The following FLNB variants were observed in gnomAD, a reference collection of about 807,000 sequenced individuals.
The protein encoded by FLNB is filamin-B.
A neutral mutation model predicts 250.6 loss-of-function variants in FLNB; 111 were observed. That is an observed-to-expected ratio of 0.44 (90% CI 0.38 to 0.52). The LOEUF (loss-of-function observed/expected upper bound fraction) is 0.52, where lower values mean the gene tolerates loss of function less well. Among genes scored for constraint, FLNB ranks in the 20% least tolerant of loss-of-function variants. FLNB has a pLI of 0.00. For missense variants in FLNB, 2,869 were observed against 3,447.8 expected, an observed-to-expected ratio of 0.83 and a Z score of 4.20; for synonymous variants, 1,302 against 1,372.1, an observed-to-expected ratio of 0.95 and a Z score of 1.13.
At chr3:58,163,525 A>C in intron 43 of FLNB, 195 bp downstream of exon 43, 3 of 604,828 alleles carry the variant, frequency 5.0e-6, no homozygotes, top group Non-Finnish European at 8.8e-6. Context: ...ATCCAGAGTG[A>C]GAGCTCGATG....
At position 58,169,813 on chromosome 3, in the gene FLNB, CAA is replaced by C; in HGVS notation, c.7621+21_7621+22del. 5 of 1,238,784 alleles carry C rather than the reference CAA, an allele frequency of 4.0e-6. No homozygotes were observed. The highest frequency in any genetic ancestry group is 5.8e-6 in the Non-Finnish European group (5 of 854,842). 76.7% of individuals were successfully genotyped at this position (1,238,784 alleles called of 1,614,324 possible). ...AAGCTGGTAGGTGTCTGGGCCTTTT[CAA>C]GGGTGGGGTGGGGCAGGGGCAGGCT... On this transcript the variant is annotated intron_variant, in intron 45 of 45. Transcript: ENST00000295956. The surrounding 1 kb of genome is among the most constrained non-coding windows in gnomAD (Gnocchi z 4.8).
intron 19 of FLNB, among the ~76,000 whole-genome samples, chr3:58,120,263 C>G (rs1168818650): frequency 6.6e-6 from 1 of 152,202 alleles, no homozygotes; most frequent in Non-Finnish European, 1.5e-5. Context: ...ACTGCCCAAC[C>G]CTGTCATGTG....
At chr3:58,162,756 C>T (rs1386308724) in intron 42 of FLNB, 1 of 286,420 alleles carries the variant, frequency 3.5e-6, no homozygotes, top group Non-Finnish European at 6.8e-6. Context: ...TTTCAGAGTG[C>T]TGTGTCTTCA....
rs762010386 is a variant in FLNB, at chr3:58,148,839, C to T, written c.6078C>T (p.Asp2026=). ...RTFEMSDFIV[D]TRDAGYGGIS... is the part of the protein sequence containing the mutation. Reference sequence around the variant, plus strand: ...TCGAGATGTCTGACTTCATCGTGGACACAAGGGATGCAGGTCTGTGTGGTC... The same window carrying T: ...TCGAGATGTCTGACTTCATCGTGGATACAAGGGATGCAGGTCTGTGTGGTC... Residue 2026 remains aspartate, a synonymous_variant, in exon 36 of 46, where the codon GAC becomes GAT. Transcript: ENST00000295956. 2.9e-5 allele frequency: 46 copies of T among 1,612,648 alleles called. No individual in the cohort carries two copies. Among genetic ancestry groups the T allele is most frequent in the Admixed American group, 1.7e-4 (10 of 59,998 alleles).
At chr3:58,112,080 T>A in intron 17 of FLNB, 69 bp from the exon 18 acceptor site, 1 of 1,481,092 alleles carries the variant, frequency 6.8e-7, no homozygotes, top group Non-Finnish European at 9.4e-7. Context: ...GTTGAACCTG[T>A]CTGACGGGTT....
At chr3:58,055,038 G>A (rs767925016) in intron 1 of FLNB, among the ~76,000 whole-genome samples, 29 of 152,098 alleles carry the variant, frequency 1.9e-4, no homozygotes, top group Admixed American at 3.3e-4. Flanking sequence ...AGGTTGAGGT[G>A]GGCAGATCCC....
chr3:58,138,183 C>G, intron 28 of FLNB, 99 bp from the exon 29 acceptor site: 1 of 1,525,132 alleles, frequency 6.6e-7, no homozygotes, highest in Non-Finnish European at 9.1e-7. Flanking sequence ...GGAGGCCTAA[C>G]ATTTACAGGC....
rs545550166 is a variant in FLNB at position 58,155,952 on chromosome 3, C to T, written c.6773-8C>T. 1.9e-6 allele frequency: 3 copies of T among 1,592,572 alleles called. No individual in the cohort carries two copies. The highest frequency in any genetic ancestry group is 2.2e-5 in the East Asian group (1 of 44,776). ...CTCTGAAATGATGGGACTTTCCTGT[C>T]CTCATAGGTAACTACGAGGTGTCCA... On this transcript the variant is annotated splice_polypyrimidine_tract_variant and splice_region_variant and intron_variant, in intron 40 of 45. Transcript: ENST00000295956.
intron 34 of FLNB, 96 bp from the exon 35 acceptor site, chr3:58,148,110 T>A: frequency 2.4e-6 from 3 of 1,257,944 alleles, no homozygotes; most frequent in Non-Finnish European, 3.5e-6. Flanking sequence ...TAATTAGTTC[T>A]TGCGTGTTCA....
chr3:58,130,986 G>A, intron 25 of FLNB, 78 bp downstream of exon 25: 1 of 1,400,004 alleles, frequency 7.1e-7, no homozygotes, highest in Admixed American at 2.2e-5. Flanking sequence ...CAGATGCTTT[G>A]CTTTTGAGTT....
At chr3:58,160,772 G>C (rs1028730334) in intron 42 of FLNB, among the ~76,000 whole-genome samples, 1 of 151,718 alleles carries the variant, frequency 6.6e-6, no homozygotes, top group African/African-American at 2.4e-5. Context: ...GTTGAGCCCA[G>C]GAGTTTGGGA....
rs148601414 is a variant in FLNB, at chr3:58,032,703, C to T, written c.292+23847C>T. ...GTCCATTTTGTGGTTTGGTGGTCCC[C>T]ATCTAGTGGGATGTGGTCTGGTATC... is the stretch of plus-strand genomic sequence containing the variant. On this transcript the variant is annotated intron_variant, in intron 1 of 45. Transcript: ENST00000295956. 2.0e-5 allele frequency among the ~76,000 whole-genome samples: 3 copies of T among 152,294 alleles called. No individual in the cohort carries two copies. The East Asian group carries it at 5.8e-4, about 29-fold the overall frequency.
At chr3:58,035,132 CTTTG>C (rs1049165481) in intron 1 of FLNB, among the ~76,000 whole-genome samples, 2 of 152,230 alleles carry the variant, frequency 1.3e-5, no homozygotes, top group African/African-American at 4.8e-5. Flanking sequence ...TAGAAAGCCC[CTTTG>C]TTTGATGAAA....
At chr3:58,126,250 G>A (rs972531186) in intron 23 of FLNB, among the ~76,000 whole-genome samples, 2 of 152,082 alleles carry the variant, frequency 1.3e-5, no homozygotes, top group East Asian at 1.9e-4. Flanking sequence ...GGTAGTACAC[G>A]CCTGTAATCC....
At chr3:58,146,597 C>T in intron 33 of FLNB, 2 of 558,740 alleles carry the variant, frequency 3.6e-6, no homozygotes, top group Non-Finnish European at 6.5e-6. Context: ...TCCAGGGTTA[C>T]TTGCAGTGAA....
chr3:58,109,222 T>C lies in FLNB; in HGVS notation c.2099T>C (p.Met700Thr). The C allele has an allele frequency of 6.2e-7, 1 of 1,614,252 alleles. No homozygotes were observed. Among genetic ancestry groups the C allele is most frequent in the Non-Finnish European group, 8.5e-7 (1 of 1,180,054 alleles). Residue 700 changes from methionine to threonine, a missense_variant, in exon 14 of 46, where the codon ATG becomes ACG. Coordinates refer to ENST00000295956, the MANE Select transcript of FLNB (RefSeq NM_001457.4). The part of the protein sequence containing the change: ...QRIDIQMKNR[M>T]DGTYACSYTP... Reference sequence around the variant, plus strand: ...ATTGACATCCAGATGAAGAACCGGATGGACGGCACATATGCATGCTCATAC... The same window carrying C: ...ATTGACATCCAGATGAAGAACCGGACGGACGGCACATATGCATGCTCATAC...
rs191029393 is a variant in FLNB at position 58,034,471 on chromosome 3, A to G, written c.292+25615A>G. 2.6e-5 allele frequency among the ~76,000 whole-genome samples: 4 copies of G among 151,444 alleles called. 1 individual carries two copies. Among genetic ancestry groups the G allele is most frequent in the Admixed American group, 2.6e-4 (4 of 15,166 alleles). On this transcript the variant is annotated intron_variant, in intron 1 of 45. Transcript: ENST00000295956. ...GTGCAGTGGTAAGCGAATCCCTGCT[A>G]CAGGCCAGAGACTGTTCTCAGTTGG...
chr3:58,098,976 G>A, intron 8 of FLNB, 68 bp downstream of exon 8: 1 of 1,421,072 alleles, frequency 7.0e-7, no homozygotes, highest in Non-Finnish European at 9.9e-7. Flanking sequence ...GGGCAGGGAG[G>A]CCAGGAAAAC....
intron 1 of FLNB, among the ~76,000 whole-genome samples, chr3:58,046,554 A>G (rs1170544111): frequency 6.6e-6 from 1 of 151,322 alleles, no homozygotes; most frequent in Non-Finnish European, 1.5e-5. Context: ...GGTTCAAGCG[A>G]TTCTCCTTCC....
Sources: gnomAD v4.1 joint callset for allele counts (sites outside exome capture counted in the v4.1 genomes callset) on GRCh38, gnomAD v4.1.1 for gene constraint, Gnocchi (gnomAD v3.1) non-coding constraint, MANE v1.5 for transcripts, NCBI Gene and HGNC (gene_info 2026-07-23, HGNC 2026-07-21) for gene names.